The following DYNC2I2 variants were observed in gnomAD, a reference collection of about 807,000 sequenced individuals.
DYNC2I2 encodes dynein 2 intermediate chain 2, also known as cytoplasmic dynein 2 intermediate chain 2.
In DYNC2I2, 39 loss-of-function variants were observed where a neutral mutation model predicts 52.0. The ratio of observed to expected loss-of-function variants is 0.75; its 90% CI spans 0.58 to 0.98. The LOEUF (loss-of-function observed/expected upper bound fraction) is 0.98. Ranked by LOEUF, DYNC2I2 falls within the 50% of genes least tolerant of loss-of-function variation. The probability of loss-of-function intolerance (pLI) is 0.00; values close to 1 mark genes in which losing one functional copy is unlikely to be tolerated. For missense variants in DYNC2I2, 743 were observed against 728.4 expected (o/e 1.02, Z -0.23); for synonymous variants, 359 against 321.1 (o/e 1.12, Z -1.26).
intron 7 of DYNC2I2, 99 bp downstream of exon 7, chr9:128,634,590 G>A (rs1860330162): frequency 1.5e-6 from 2 of 1,351,540 alleles, no homozygotes; most frequent in Non-Finnish European, 2.0e-6. Flanking sequence ...TGGGCAGAAG[G>A]CAAGCACTTG....
In DYNC2I2 at chr9:128,650,526, C is replaced by CATATATATATATATATATATATATT. The variant is rs57194999; in HGVS notation, c.186+6014_186+6015insAATATATATATATATATATATATAT. Among the ~76,000 whole-genome samples the CATATATATATATATATATATATATT allele has an allele frequency of 4.8e-5, 2 of 41,422 alleles. 1 individual carries two copies. The highest frequency in any genetic ancestry group is 5.5e-4 in the Admixed American group (2 of 3,634). 27.2% of individuals were successfully genotyped at this position (41,422 alleles called of 152,430 possible). Reference sequence around the variant, plus strand: ...AGAAAAGTCAAGTCAGGCCAAAGACCATATATATATATATATATATATGCC... The same window carrying CATATATATATATATATATATATATT: ...AGAAAAGTCAAGTCAGGCCAAAGACCATATATATATATATATATATATATTATATATATATATATATATATATGCC... On this transcript the variant is annotated intron_variant, in intron 1 of 8. Transcript: ENST00000372715.
the DYNC2I2 span, among the ~76,000 whole-genome samples, chr9:128,663,952 CTTTTTTTTTT>C: frequency 9.8e-6 from 1 of 102,018 alleles, no homozygotes; most frequent in East Asian, 2.6e-4. Context: ...TGCACCCAGG[CTTTTTTTTTT>C]TTTTTTTTTT....
At chr9:128,682,647 C>A in the DYNC2I2 span, among the ~76,000 whole-genome samples, 1 of 151,042 alleles carries the variant, frequency 6.6e-6, no homozygotes, top group Non-Finnish European at 1.5e-5. Flanking sequence ...TGTACTTGAG[C>A]CTCAGAGACA....
rs1286481602 is a variant in DYNC2I2, at chr9:128,637,464, A to C, written c.436-437T>G. ...TTAGTTGGTTGGTTTTCTTTTTGAG[A>C]CAGAGTCTCACTCTGTGGCCCAGGC... On this transcript the variant is annotated intron_variant, in intron 2 of 8. Transcript: ENST00000372715. Among the ~76,000 whole-genome samples the C allele has an allele frequency of 2.8e-4, 43 of 152,150 alleles. 1 individual carries two copies. Among genetic ancestry groups the C allele is most frequent in the Admixed American group, 2.8e-3 (43 of 15,278 alleles).
At chr9:128,671,304 T>C in the DYNC2I2 span, among the ~76,000 whole-genome samples, 79 of 139,840 alleles carry the variant, frequency 5.6e-4, 1 homozygote, top group East Asian at 6.5e-3. Context: ...CTGTCTCTCT[T>C]TTTTTTTTTT....
the DYNC2I2 span, among the ~76,000 whole-genome samples, chr9:128,664,659 A>G: frequency 1.3e-5 from 2 of 151,666 alleles, no homozygotes; most frequent in African/African-American, 4.8e-5. Context: ...TAATTTTTGT[A>G]TTATTAGTAG....
chr9:128,636,067 C>A (rs1860403636), intron 4 of DYNC2I2: 1 of 839,926 alleles, frequency 1.2e-6, no homozygotes, highest in Non-Finnish European at 2.0e-6. Flanking sequence ...AGCCCCCTGT[C>A]CTGGCCCCGA....
chr9:128,650,172 A>C lies in DYNC2I2; in HGVS notation c.186+6369T>G, dbSNP rs1247314327. Among the ~76,000 whole-genome samples, 2 of 55,796 alleles carry C rather than the reference A, an allele frequency of 3.6e-5. 1 individual carries two copies. The highest frequency in any genetic ancestry group is 7.1e-5 in the African/African-American group (2 of 28,100). The allele number at this position is 55,796 out of a possible 152,430, so 36.6% of individuals were successfully genotyped here. A position where few individuals can be genotyped will look rare whatever the true frequency, so the allele number is the denominator to read the frequency against. ...GCCACAGTAACTGCAAGTAGAACCC[A>C]GGAGTCCACATTTTTCAACACTTTC... is the stretch of plus-strand genomic sequence containing the variant. On this transcript the variant is annotated intron_variant, in intron 1 of 8. Coordinates refer to ENST00000372715, the MANE Select transcript of DYNC2I2 (RefSeq NM_052844.4).
chr9:128,649,491 C>T lies in DYNC2I2; in HGVS notation c.186+7050G>A, dbSNP rs145516126. 7.0e-3 allele frequency among the ~76,000 whole-genome samples: 1,062 copies of T among 151,618 alleles called. 8 individuals carry two copies. Among genetic ancestry groups the T allele is most frequent in the African/African-American group, 0.024 (1,000 of 41,256 alleles). On this transcript the variant is annotated intron_variant, in intron 1 of 8. Coordinates refer to ENST00000372715, the MANE Select transcript of DYNC2I2 (RefSeq NM_052844.4). Reference sequence around the variant, plus strand: ...ATCATTTGAGGTCAGGAGTTCGAGACCAGCCTGGCCAACATGGTGAAACCC... The same window carrying T: ...ATCATTTGAGGTCAGGAGTTCGAGATCAGCCTGGCCAACATGGTGAAACCC...
In DYNC2I2 at chr9:128,633,932, A is replaced by G. The variant is rs772557668; in HGVS notation, c.1423T>C (p.Leu475=). ...LQKSSQKPTV[L]IKQTQDESPV... is the part of the protein sequence containing the mutation. ...CTTTCATCCTGGGTTTGCTTGATCA[A>G]AACTGTGGGTTTCTGGGAGCTTTTC... The change falls in exon 9 of 9, where the codon TTG becomes CTG. Residue 475 remains leucine (L), a synonymous_variant. Transcript: ENST00000372715. 1 of 1,613,214 alleles carries G rather than the reference A, an allele frequency of 6.2e-7. No homozygotes were observed.
At chr9:128,683,146 C>T in the DYNC2I2 span, among the ~76,000 whole-genome samples, 4 of 152,028 alleles carry the variant, frequency 2.6e-5, no homozygotes, top group Admixed American at 2.6e-4. Flanking sequence ...AGGTGCCCAC[C>T]ACCACGCCCA....
Position 128,640,759 on chromosome 9 carries a change from GCTCTCGGATGACCATGGCCTCCA to G in DYNC2I2, c.344_366del (p.Val115AlafsTer11). On this transcript the variant is annotated frameshift_variant, in exon 2 of 9. Transcript: ENST00000372715. LOFTEE classifies it high-confidence loss of function. ...GCGTGGCTCTGCCAATTCTTGTTCA[GCTCTCGGATGACCATGGCCTCCA>G]CTCTCCGAAGAAAGGCTGCGAGCCT... 1 of 1,614,192 alleles carries G rather than the reference GCTCTCGGATGACCATGGCCTCCA, an allele frequency of 6.2e-7. No homozygotes were observed. Among genetic ancestry groups the G allele is most frequent in the East Asian group, 2.2e-5 (1 of 44,882 alleles).
At position 128,643,526 on chromosome 9, in the gene DYNC2I2, C is replaced by CAA. The variant is rs539379955; in HGVS notation, c.187-2589_187-2588dup. 4.0e-3 allele frequency among the ~76,000 whole-genome samples: 435 copies of CAA among 108,796 alleles called. 2 individuals are homozygous for CAA. Among genetic ancestry groups the CAA allele is most frequent in the African/African-American group, 0.013 (406 of 30,400 alleles). 71.4% of individuals were successfully genotyped at this position (108,796 alleles called of 152,430 possible). On this transcript the variant is annotated intron_variant, in intron 1 of 8. Transcript: ENST00000372715. ...TGGGTGACAGAGTGAGACTCCATCT[C>CAA]AAAAAAAAAAAAAAAAATTGCCAGG...
the DYNC2I2 span, among the ~76,000 whole-genome samples, chr9:128,667,555 T>C: frequency 6.7e-6 from 1 of 150,244 alleles, no homozygotes. Flanking sequence ...CACCTTGTGA[T>C]CCGCCCGCCT....
intron 1 of DYNC2I2, among the ~76,000 whole-genome samples, chr9:128,641,377 C>T (rs768065540): frequency 2.0e-5 from 3 of 152,116 alleles, no homozygotes; most frequent in Non-Finnish European, 4.4e-5. Flanking sequence ...CCTCCCTCAA[C>T]GGGCAGCCCT....
At chr9:128,682,264 G>C in the DYNC2I2 span, among the ~76,000 whole-genome samples, 1 of 151,880 alleles carries the variant, frequency 6.6e-6, no homozygotes, top group African/African-American at 2.4e-5. Flanking sequence ...TAGCCAGGAC[G>C]ATCTCGATCT....
chr9:128,665,720 A>G, the DYNC2I2 span, among the ~76,000 whole-genome samples: 3 of 145,630 alleles, frequency 2.1e-5, no homozygotes, highest in African/African-American at 7.6e-5. Flanking sequence ...CAGTGAGCCG[A>G]GATTGCACCA....
chr9:128,661,533 G>A (rs1444485919), upstream of DYNC2I2, among the ~76,000 whole-genome samples: 6 of 151,896 alleles, frequency 4.0e-5, no homozygotes, highest in South Asian at 1.0e-3. Context: ...CAGGAGAATC[G>A]CTTGAACCCA....
In DYNC2I2 at chr9:128,635,124, G is replaced by T. The variant is rs745381458; in HGVS notation, c.949C>A (p.Gln317Lys). The change falls in exon 6 of 9, where the codon CAG (glutamine) becomes AAG (lysine). Residue 317 changes from glutamine (Q) to lysine (K), a missense_variant. Transcript: ENST00000372715. The stretch of plus-strand genomic sequence containing the variant: ...AGCTTGGTGCTCCGTGGCAGCTGCT[G>T]CATGACCAGGGCGAAGCCCTCTGTG... Reference protein sequence around the residue: ...QLTEGFALVMQQLPRSTKLKK... With the variant: ...QLTEGFALVMKQLPRSTKLKK... 6.2e-7 allele frequency: 1 copy of T among 1,613,182 alleles called. No individual in the cohort carries two copies. Among genetic ancestry groups the T allele is most frequent in the Non-Finnish European group, 8.5e-7 (1 of 1,179,818 alleles).
Sources: gnomAD v4.1 joint callset for allele counts (sites outside exome capture counted in the v4.1 genomes callset) on GRCh38, gnomAD v4.1.1 for gene constraint, MANE v1.5 for transcripts, NCBI Gene and HGNC (gene_info 2026-07-23, HGNC 2026-07-21) for gene names.